The following CRACD variants were observed in gnomAD, a reference collection of about 807,000 sequenced individuals.
The protein encoded by CRACD is capping protein-inhibiting regulator of actin dynamics.
CRACD carries 56 observed loss-of-function variants against 106.8 expected under a neutral mutation model. That is an observed-to-expected ratio of 0.52 (90% CI 0.42 to 0.66). The LOEUF is 0.66. Among genes scored for constraint, CRACD ranks in the 30% least tolerant of loss-of-function variants. CRACD has a pLI of 0.00. For missense variants in CRACD, 1,730 were observed against 1,623.2 expected, an observed-to-expected ratio of 1.07 and a Z score of -1.13; for synonymous variants, 754 against 670.8, an observed-to-expected ratio of 1.12 and a Z score of -1.92.
chr4:56,066,207 T>A (rs971357403), intron 1 of CRACD, among the ~76,000 whole-genome samples: 3 of 152,186 alleles, frequency 2.0e-5, no homozygotes, highest in Non-Finnish European at 4.4e-5. Flanking sequence ...GCTGTGGCTC[T>A]CCGTAACACC....
chr4:56,188,682 T>TCACA (rs1163638809), intron 2 of CRACD, among the ~76,000 whole-genome samples: 50 of 111,740 alleles, frequency 4.5e-4, no homozygotes, highest in African/African-American at 2.0e-3. Flanking sequence ...TCTCTCTCTC[T>TCACA]CTCTCACACA....
intron 2 of CRACD, among the ~76,000 whole-genome samples, chr4:56,245,676 G>C (rs1740640545): frequency 6.6e-6 from 1 of 152,204 alleles, no homozygotes; most frequent in African/African-American, 2.4e-5. Context: ...GGCATAGGAT[G>C]AATCATTGCT....
At chr4:56,264,022 G>T (rs540875020) in intron 2 of CRACD, among the ~76,000 whole-genome samples, 1 of 152,284 alleles carries the variant, frequency 6.6e-6, no homozygotes, top group African/African-American at 2.4e-5. Flanking sequence ...AGGCATGGCT[G>T]GGGAGGCCTC....
intron 2 of CRACD, among the ~76,000 whole-genome samples, chr4:56,232,700 C>CTTTATTTATTTA (rs71666123): frequency 0.3 from 41,825 of 141,404 alleles, 6,581 homozygotes; most frequent in South Asian, 0.37. Context: ...AAACATGTAT[C>CTTTATTTATTTA]TTTATTTATT....
At chr4:56,116,798 C>CA (rs1434991443) in intron 1 of CRACD, among the ~76,000 whole-genome samples, 5 of 151,786 alleles carry the variant, frequency 3.3e-5, no homozygotes, top group African/African-American at 1.2e-4. Context: ...GCCTCCGCCT[C>CA]CTGGGTTCAA....
chr4:56,118,549 G>A (rs1278565448), intron 1 of CRACD, among the ~76,000 whole-genome samples: 1 of 152,196 alleles, frequency 6.6e-6, no homozygotes, highest in Non-Finnish European at 1.5e-5. Flanking sequence ...TGCAATGGAT[G>A]ATTAGGAAGC....
At chr4:56,313,597 T>C (rs1367850620) in intron 7 of CRACD, among the ~76,000 whole-genome samples, 1 of 152,202 alleles carries the variant, frequency 6.6e-6, no homozygotes, top group African/African-American at 2.4e-5. Flanking sequence ...GCGGTTGCCT[T>C]TTGAGGGGCT....
At chr4:56,176,752 GTTTTATAGT>G (rs1736601877) in intron 1 of CRACD, among the ~76,000 whole-genome samples, 1 of 152,038 alleles carries the variant, frequency 6.6e-6, no homozygotes, top group Non-Finnish European at 1.5e-5. Flanking sequence ...TTTCATTGGT[GTTTTATAGT>G]TTTCATTGTA....
intron 2 of CRACD, among the ~76,000 whole-genome samples, chr4:56,207,745 CATATAT>C (rs58423475): frequency 0.046 from 4,921 of 106,106 alleles, 145 homozygotes; most frequent in African/African-American, 0.088. Context: ...CTTGTTTTCT[CATATAT>C]ATATATATAT....
chr4:56,279,365 A>ATG (rs1421081533), intron 3 of CRACD, among the ~76,000 whole-genome samples: 8 of 152,170 alleles, frequency 5.3e-5, no homozygotes, highest in East Asian at 1.9e-4. Flanking sequence ...CAGGCAACCT[A>ATG]CAACATGGGA....
chr4:56,188,711 C>CACAGAG lies in CRACD; in HGVS notation c.-189+9282_-189+9283insCAGAGA, dbSNP rs1446016845. On this transcript the variant is annotated intron_variant, in intron 2 of 10. Transcript: ENST00000682029. ...TCACACACACACACACACACACACACAGAGAGAGAGAGAGAGAGAGAGAGG... is the reference window on the plus strand; with the variant it reads ...TCACACACACACACACACACACACACACAGAGAGAGAGAGAGAGAGAGAGAGAGAGG... Among the ~76,000 whole-genome samples the CACAGAG allele has an allele frequency of 2.8e-3, 321 of 113,036 alleles. 1 individual carries two copies. The highest frequency in any genetic ancestry group is 6.7e-3 in the African/African-American group (172 of 25,810). 74.2% of individuals were successfully genotyped at this position (113,036 alleles called of 152,430 possible).
chr4:56,222,643 T>C (rs952324825), intron 2 of CRACD, among the ~76,000 whole-genome samples: 2 of 152,146 alleles, frequency 1.3e-5, no homozygotes, highest in African/African-American at 4.8e-5. Context: ...ATATCTTACC[T>C]GTTTAAAAAT....
At chr4:56,214,655 C>CTCTCTA in intron 2 of CRACD, among the ~76,000 whole-genome samples, 1 of 70,316 alleles carries the variant, frequency 1.4e-5, no homozygotes, top group Non-Finnish European at 3.0e-5. Flanking sequence ...GCTAGACACT[C>CTCTCTA]TCTCTCTCTC....
At chr4:56,100,766 G>C (rs1457055045) in intron 1 of CRACD, among the ~76,000 whole-genome samples, 2 of 152,190 alleles carry the variant, frequency 1.3e-5, no homozygotes, top group Admixed American at 6.5e-5. Context: ...AACCAACTCT[G>C]TTGGCACCTT....
chr4:56,262,937 G>T (rs572969), intron 2 of CRACD, among the ~76,000 whole-genome samples: 37,574 of 152,086 alleles, frequency 0.25, 4,784 homozygotes, highest in Non-Finnish European at 0.27. Context: ...CCAAAACACA[G>T]CTGGCCCTAA....
chr4:56,264,075 ACATCTT>A (rs1456992572), intron 2 of CRACD, among the ~76,000 whole-genome samples: 1 of 152,168 alleles, frequency 6.6e-6, no homozygotes, highest in African/African-American at 2.4e-5. Context: ...GGAAGCAGGC[ACATCTT>A]CACATGGCGG....
At chr4:56,093,798 A>C (rs976990662) in intron 1 of CRACD, among the ~76,000 whole-genome samples, 2 of 152,180 alleles carry the variant, frequency 1.3e-5, no homozygotes, top group African/African-American at 4.8e-5. Context: ...GGGCAATTTT[A>C]GATAGTGATT....
intron 1 of CRACD, among the ~76,000 whole-genome samples, chr4:56,078,679 G>A: frequency 6.6e-6 from 1 of 152,182 alleles, no homozygotes; most frequent in Non-Finnish European, 1.5e-5. Flanking sequence ...GTCTCCCAAA[G>A]TGCTAGAAGT....
intron 1 of CRACD, among the ~76,000 whole-genome samples, chr4:56,093,524 C>T (rs1733497491): frequency 6.6e-6 from 1 of 152,148 alleles, no homozygotes; most frequent in Admixed American, 6.5e-5. Flanking sequence ...GCACATGGAA[C>T]CTGGCCTTGT....
Sources: allele counts gnomAD v4.1 joint callset (sites outside exome capture counted in the v4.1 genomes callset), GRCh38; gene constraint gnomAD v4.1.1; transcripts MANE v1.5; gene names NCBI Gene and HGNC (gene_info 2026-07-23, HGNC 2026-07-21).